Variants in AOAH observed in about 807,000 individuals in gnomAD.
AOAH encodes the protein acyloxyacyl hydrolase (neutrophil).
In AOAH, 64 loss-of-function variants were observed where a neutral mutation model predicts 92.2. The ratio of observed to expected loss-of-function variants is 0.69; its 90% CI spans 0.57 to 0.86. The LOEUF (loss-of-function observed/expected upper bound fraction) is 0.86, where lower values mean the gene tolerates loss of function less well. Among genes scored for constraint, AOAH ranks in the 40% least tolerant of loss-of-function variants. The probability of loss-of-function intolerance (pLI) is 0.00; values close to 1 mark genes in which losing one functional copy is unlikely to be tolerated. For missense variants in AOAH, 656 were observed against 694.6 expected, an observed-to-expected ratio of 0.94 and a Z score of 0.62; for synonymous variants, 263 against 254.5, an observed-to-expected ratio of 1.03 and a Z score of -0.32.
At chr7:36,707,077 G>C (rs1242367895) in intron 1 of AOAH, among the ~76,000 whole-genome samples, 2 of 90,550 alleles carry the variant, frequency 2.2e-5, no homozygotes, top group East Asian at 1.4e-3. Flanking sequence ...TTGGCTAACT[G>C]TTTGGCATAT....
intron 14 of AOAH, 117 bp downstream of exon 14, chr7:36,549,322 T>G: frequency 1.3e-6 from 1 of 766,840 alleles, no homozygotes; most frequent in Non-Finnish European, 2.2e-6. Flanking sequence ...TGAGTTTGGA[T>G]AGTGACTAAC....
At chr7:36,589,623 T>G (rs1433995592) in intron 12 of AOAH, among the ~76,000 whole-genome samples, 3 of 152,218 alleles carry the variant, frequency 2.0e-5, no homozygotes, top group Admixed American at 6.5e-5. Context: ...AGAGATCATC[T>G]AGTCCAACTT....
At chr7:36,664,057 TA>T (rs1795387129) in intron 3 of AOAH, among the ~76,000 whole-genome samples, 2 of 143,432 alleles carry the variant, frequency 1.4e-5, no homozygotes. Context: ...ATTTTTTTTT[TA>T]AACTGGGTTG....
In AOAH at chr7:36,530,430, C is replaced by CA; in HGVS notation, c.1509dup (p.Ala504CysfsTer4). The CA allele has an allele frequency of 1.2e-6, 2 of 1,611,968 alleles. No individual in the cohort carries two copies. The highest frequency in any genetic ancestry group is 2.2e-5 in the South Asian group (2 of 91,048). On this transcript the variant is annotated frameshift_variant, in exon 19 of 21. Coordinates refer to ENST00000617537, the MANE Select transcript of AOAH (RefSeq NM_001637.4). LOFTEE classifies it high-confidence loss of function. ...CAAAGCTACTTACTTTCATGGAAGGCAAAATCCATGTAGAAAAGATTGAAG... is the reference window on the plus strand; with the variant it reads ...CAAAGCTACTTACTTTCATGGAAGGCAAAAATCCATGTAGAAAAGATTGAAG...
intron 5 of AOAH, among the ~76,000 whole-genome samples, chr7:36,636,320 C>T (rs1045849223): frequency 6.6e-6 from 1 of 151,896 alleles, no homozygotes; most frequent in Non-Finnish European, 1.5e-5. Context: ...TTGTTGGAAT[C>T]CTGCCCCGTG....
intron 13 of AOAH, among the ~76,000 whole-genome samples, chr7:36,562,483 TTTATTTA>T (rs1226003588): frequency 6.6e-6 from 1 of 152,152 alleles, no homozygotes; most frequent in Non-Finnish European, 1.5e-5. Flanking sequence ...ATAGGAACAT[TTTATTTA>T]TTTGTCAAGA....
intron 4 of AOAH, among the ~76,000 whole-genome samples, chr7:36,658,837 G>T (rs1795036177): frequency 6.6e-6 from 1 of 152,176 alleles, no homozygotes; most frequent in Admixed American, 6.5e-5. Flanking sequence ...GGCATGAGTT[G>T]CTCACTCTGT....
intron 3 of AOAH, among the ~76,000 whole-genome samples, chr7:36,671,686 T>C (rs1053582491): frequency 6.6e-6 from 1 of 151,944 alleles, no homozygotes; most frequent in African/African-American, 2.4e-5. Flanking sequence ...TGCCTGTGTG[T>C]ATAGGAGTGG....
chr7:36,517,178 CTT>C (rs1314649303), intron 20 of AOAH, among the ~76,000 whole-genome samples: 1 of 56,080 alleles, frequency 1.8e-5, no homozygotes, highest in Non-Finnish European at 3.7e-5. Context: ...TTCTTTCTTT[CTT>C]TCTTTCTTTC....
At chr7:36,541,101 T>A (rs1487569695) in intron 15 of AOAH, among the ~76,000 whole-genome samples, 1 of 152,244 alleles carries the variant, frequency 6.6e-6, no homozygotes, top group Non-Finnish European at 1.5e-5. Context: ...TCTTACTGAT[T>A]AAGTTATATT....
intron 1 of AOAH, among the ~76,000 whole-genome samples, chr7:36,713,356 T>G (rs1038631068): frequency 1.3e-5 from 2 of 152,048 alleles, no homozygotes; most frequent in Non-Finnish European, 2.9e-5. Flanking sequence ...CAAAGAGACT[T>G]AGACTCCCAC....
At chr7:36,645,171 A>T (rs1400273794) in intron 4 of AOAH, among the ~76,000 whole-genome samples, 1 of 152,104 alleles carries the variant, frequency 6.6e-6, no homozygotes, top group African/African-American at 2.4e-5. Context: ...TCTCCCTATG[A>T]TGGTTTTCAG....
At chr7:36,544,637 A>T (rs1456622172) in intron 15 of AOAH, among the ~76,000 whole-genome samples, 1 of 152,218 alleles carries the variant, frequency 6.6e-6, no homozygotes, top group Non-Finnish European at 1.5e-5. Context: ...ACTGGTGCTC[A>T]CTGACATGCT....
At chr7:36,592,628 C>G (rs1316209398) in intron 12 of AOAH, among the ~76,000 whole-genome samples, 2 of 152,204 alleles carry the variant, frequency 1.3e-5, no homozygotes, top group Non-Finnish European at 2.9e-5. Flanking sequence ...AAAACAGACC[C>G]TACCACTCTT....
chr7:36,570,991 G>A (rs914788741), intron 13 of AOAH, among the ~76,000 whole-genome samples: 1 of 152,136 alleles, frequency 6.6e-6, no homozygotes, highest in African/African-American at 2.4e-5. Context: ...AGCAAATAAC[G>A]AACCATACAC....
intron 12 of AOAH, among the ~76,000 whole-genome samples, chr7:36,588,518 T>G (rs1454631458): frequency 6.6e-6 from 1 of 152,276 alleles, no homozygotes; most frequent in Non-Finnish European, 1.5e-5. Flanking sequence ...TTATATCACA[T>G]GTAATTTGCG....
intron 12 of AOAH, among the ~76,000 whole-genome samples, chr7:36,582,371 A>G (rs1282854521): frequency 2.6e-5 from 4 of 152,180 alleles, no homozygotes; most frequent in Non-Finnish European, 5.9e-5. Context: ...TAGGCATGGA[A>G]GTGAGTCACG....
In AOAH at chr7:36,572,950, G is replaced by A. The variant is rs930134368; in HGVS notation, c.1021+3624C>T. The stretch of plus-strand genomic sequence containing the variant: ...GCCCATTCAAGGTGGTTTGTTGTCT[G>A]GGCAACCCTGAATGAGATCCAGGGT... On this transcript the variant is annotated intron_variant, in intron 13 of 20. Coordinates refer to ENST00000617537, the MANE Select transcript of AOAH (RefSeq NM_001637.4). 2.0e-5 allele frequency among the ~76,000 whole-genome samples: 3 copies of A among 152,186 alleles called. No individual in the cohort carries two copies. In the South Asian group the frequency reaches 6.2e-4, roughly 32 times the overall value.
chr7:36,717,554 C>T (rs1799296031), intron 1 of AOAH, among the ~76,000 whole-genome samples: 2 of 151,982 alleles, frequency 1.3e-5, no homozygotes, highest in Admixed American at 1.3e-4. Flanking sequence ...ACCAGCTGGT[C>T]TGTAGGGATA....
Sources: allele counts gnomAD v4.1 joint callset (sites outside exome capture counted in the v4.1 genomes callset), GRCh38; gene constraint gnomAD v4.1.1; transcripts MANE v1.5; gene names NCBI Gene and HGNC (gene_info 2026-07-23, HGNC 2026-07-21).